SGCD: variants seen among roughly 807,000 people sequenced by gnomAD.
SGCD encodes the protein sarcoglycan delta.
A neutral mutation model predicts 36.6 loss-of-function variants in SGCD; 18 were observed. That is an observed-to-expected ratio of 0.49 (90% CI 0.34 to 0.73). The LOEUF (loss-of-function observed/expected upper bound fraction) is 0.73. SGCD is among the 30% of genes least tolerant of loss of function. The probability of loss-of-function intolerance (pLI) is 0.01; values close to 1 mark genes in which losing one functional copy is unlikely to be tolerated. For missense variants in SGCD, 387 were observed against 346.7 expected (o/e 1.12, Z -0.92); for synonymous variants, 133 against 130.6 (o/e 1.02, Z -0.12).
intron 3 of SGCD, among the ~76,000 whole-genome samples, chr5:156,182,665 T>C (rs1763636911): frequency 6.6e-6 from 1 of 152,216 alleles, no homozygotes; most frequent in Admixed American, 6.5e-5. Context: ...ACCTGGTTAA[T>C]GACTGGTAGA....
chr5:156,437,612 A>G (rs975944670), intron 3 of SGCD, among the ~76,000 whole-genome samples: 1 of 152,182 alleles, frequency 6.6e-6, no homozygotes, highest in Non-Finnish European at 1.5e-5. Flanking sequence ...TTGCATTAGC[A>G]TCTAAATTTT....
At chr5:155,866,102 GTA>G (rs1755519295), upstream of SGCD, among the ~76,000 whole-genome samples, 1 of 152,128 alleles carries the variant, frequency 6.6e-6, no homozygotes, top group East Asian at 1.9e-4. Context: ...AGTACTTTAT[GTA>G]TACCACCCAT....
chr5:156,275,927 G>A (rs530480538), intron 3 of SGCD, among the ~76,000 whole-genome samples: 1 of 152,124 alleles, frequency 6.6e-6, no homozygotes, highest in South Asian at 2.1e-4. Context: ...CATGTGCCCG[G>A]CCCTGTCCTA....
intron 4 of SGCD, among the ~76,000 whole-genome samples, chr5:156,536,189 T>C (rs548657052): frequency 9.8e-5 from 15 of 152,302 alleles, no homozygotes; most frequent in African/African-American, 3.4e-4. Flanking sequence ...GTGATTTAGA[T>C]GCATTTTAAA....
chr5:156,732,241 C>G (rs371196760), intron 7 of SGCD, among the ~76,000 whole-genome samples: 1 of 152,118 alleles, frequency 6.6e-6, no homozygotes, highest in African/African-American at 2.4e-5. Flanking sequence ...GGAAATACTT[C>G]CAGCTTTTGC....
chr5:156,641,542 C>G (rs1763028661), intron 6 of SGCD, among the ~76,000 whole-genome samples: 1 of 152,120 alleles, frequency 6.6e-6, no homozygotes, highest in African/African-American at 2.4e-5. Context: ...GGTTCTTGCT[C>G]CTTCCTAAGA....
chr5:156,618,679 G>A (rs1232439124), intron 6 of SGCD, among the ~76,000 whole-genome samples: 1 of 151,862 alleles, frequency 6.6e-6, no homozygotes, highest in Admixed American at 6.6e-5. Context: ...GATGTCTGTA[G>A]GCAGCATAAG....
chr5:156,487,788 C>CAAAAAAAAAAAAAAAAAAAAAAAAAAA (rs56006984), intron 3 of SGCD, among the ~76,000 whole-genome samples: 1 of 41,380 alleles, frequency 2.4e-5, no homozygotes, highest in Non-Finnish European at 5.5e-5. Context: ...ACTCTGTCAC[C>CAAAAAAAAAAAAAAAAAAAAAAAAAAA]AAAAAAAAAA....
At chr5:156,120,673 A>C (rs538725722) in intron 2 of SGCD, among the ~76,000 whole-genome samples, 1 of 152,290 alleles carries the variant, frequency 6.6e-6, no homozygotes, top group African/African-American at 2.4e-5. Context: ...TTAGGTTGGG[A>C]TGTAACTAAA....
At chr5:156,553,743 G>A (rs903419609) in intron 4 of SGCD, among the ~76,000 whole-genome samples, 3 of 152,040 alleles carry the variant, frequency 2.0e-5, no homozygotes, top group African/African-American at 7.2e-5. Flanking sequence ...CTTTCCCTTA[G>A]CATAAGGTCT....
chr5:156,342,983 GCAT>G (rs1271333188), intron 2 of SGCD, among the ~76,000 whole-genome samples: 2 of 152,102 alleles, frequency 1.3e-5, no homozygotes, highest in African/African-American at 4.8e-5. Context: ...CCTTCATGGA[GCAT>G]TTCAGTTAGC....
intron 3 of SGCD, among the ~76,000 whole-genome samples, chr5:156,184,523 C>T (rs1209317212): frequency 6.6e-6 from 1 of 152,074 alleles, no homozygotes; most frequent in African/African-American, 2.4e-5. Context: ...GCAATATGCC[C>T]TCATATGTTT....
chr5:156,648,929 T>C (rs527456548), intron 7 of SGCD, among the ~76,000 whole-genome samples: 1 of 152,260 alleles, frequency 6.6e-6, no homozygotes, highest in African/African-American at 2.4e-5. Flanking sequence ...TGGTTCCCAT[T>C]CTTTTCACAG....
chr5:156,074,258 A>G (rs1252326724), intron 1 of SGCD, among the ~76,000 whole-genome samples: 1 of 152,188 alleles, frequency 6.6e-6, no homozygotes, highest in African/African-American at 2.4e-5. Context: ...TGGATGAAAG[A>G]CTGAATATAG....
chr5:156,617,334 G>A (rs1295445394), intron 6 of SGCD, among the ~76,000 whole-genome samples: 2 of 152,180 alleles, frequency 1.3e-5, no homozygotes, highest in African/African-American at 2.4e-5. Context: ...AGGATAGAAA[G>A]AGAAGAGAGA....
intron 3 of SGCD, among the ~76,000 whole-genome samples, chr5:156,261,118 T>G (rs997641888): frequency 1.1e-4 from 17 of 152,180 alleles, no homozygotes; most frequent in African/African-American, 4.1e-4. Flanking sequence ...GTCTTTTCTT[T>G]AATCTTTTGT....
intron 3 of SGCD, among the ~76,000 whole-genome samples, chr5:156,455,118 C>G (rs1489837831): frequency 6.6e-6 from 1 of 152,110 alleles, no homozygotes; most frequent in Admixed American, 6.6e-5. Flanking sequence ...ACTTGGCATA[C>G]TTTTTTTATT....
intron 2 of SGCD, among the ~76,000 whole-genome samples, chr5:156,342,895 C>T (rs1247225321): frequency 6.6e-6 from 1 of 152,216 alleles, no homozygotes; most frequent in Non-Finnish European, 1.5e-5. Flanking sequence ...AATCATTCCA[C>T]ACACATATTC....
chr5:156,344,614 G>A lies in SGCD; in HGVS notation c.129G>A (p.Met43Ile). The A allele has an allele frequency of 1.9e-6, 3 of 1,612,046 alleles. No individual in the cohort carries two copies. The highest frequency in any genetic ancestry group is 2.5e-6 in the Non-Finnish European group (3 of 1,179,048). Residue 43 changes from methionine (M) to isoleucine (I), a missense_variant, in exon 3 of 9, where the codon ATG becomes ATA. Coordinates refer to ENST00000337851, the MANE Select transcript of SGCD (RefSeq NM_000337.6). ...TGTATTTCTTTGTCCTGCTCCTCAT[G>A]ATTTTAATACTGGTGAACTTGGCCA... is the stretch of plus-strand genomic sequence containing the variant. ...RCLYFFVLLL[M>I]ILILVNLAMT...
Sources: allele counts gnomAD v4.1 joint callset (sites outside exome capture counted in the v4.1 genomes callset), GRCh38; gene constraint gnomAD v4.1.1; transcripts MANE v1.5; gene names NCBI Gene and HGNC (gene_info 2026-07-23, HGNC 2026-07-21).